SNX13: variants seen among roughly 807,000 people sequenced by gnomAD.
SNX13 encodes the protein sorting nexin 13.
In SNX13, 45 loss-of-function variants were observed where a neutral mutation model predicts 133.6. The ratio of observed to expected loss-of-function variants is 0.34; its 90% CI spans 0.27 to 0.43. SNX13 has a LOEUF of 0.43. SNX13 is among the 20% of genes least tolerant of loss of function. The probability of loss-of-function intolerance (pLI) is 1.00; values close to 1 mark genes in which losing one functional copy is unlikely to be tolerated. For synonymous variants in SNX13, 414 were observed against 373.9 expected (o/e 1.11, Z -1.24); for missense variants, 1,032 against 1,145.1 (o/e 0.90, Z 1.43).
At chr7:17,831,705 T>C (rs769658944) in intron 15 of SNX13, 128 of 983,942 alleles carry the variant, frequency 1.3e-4, no homozygotes, top group Non-Finnish European at 1.4e-4. Context: ...GTCTAAAAGG[T>C]GGTCAAAATT....
intron 5 of SNX13, among the ~76,000 whole-genome samples, chr7:17,887,268 C>T (rs761315339): frequency 6.6e-6 from 1 of 152,088 alleles, no homozygotes; most frequent in Non-Finnish European, 1.5e-5. Context: ...TACACTAAAA[C>T]TTAACAGTAG....
chr7:17,875,769 T>C lies in SNX13; in HGVS notation c.462A>G (p.Gln154=). The change falls in exon 6 of 26, where the codon CAA becomes CAG. Residue 154 remains glutamine (Q), a synonymous_variant. Coordinates refer to ENST00000428135, the MANE Select transcript of SNX13 (RefSeq NM_015132.5). ...CTACAATGCGTGTAGTAAAATAAGG[T>C]TGCCAGTCTATTTCTTTTGACCTTA... ...FATRSKEIDW[Q]PYFTTRIVDD... 2.5e-6 allele frequency: 4 copies of C among 1,605,528 alleles called. No individual in the cohort carries two copies. Among genetic ancestry groups the C allele is most frequent in the South Asian group, 1.1e-5 (1 of 89,512 alleles).
chr7:17,896,278 G>T (rs1391868902), intron 2 of SNX13, among the ~76,000 whole-genome samples: 3 of 152,118 alleles, frequency 2.0e-5, no homozygotes, highest in Non-Finnish European at 4.4e-5. Context: ...CTAGGCCATA[G>T]ATATGAAAAT....
chr7:17,887,371 TC>T (rs1277060287), intron 5 of SNX13, among the ~76,000 whole-genome samples: 1 of 152,168 alleles, frequency 6.6e-6, no homozygotes, highest in Non-Finnish European at 1.5e-5. Flanking sequence ...ACATGGGTTA[TC>T]CAGGATTCAT....
At chr7:17,869,217 A>T (rs1252035231) in intron 8 of SNX13, among the ~76,000 whole-genome samples, 2 of 152,244 alleles carry the variant, frequency 1.3e-5, no homozygotes, top group Admixed American at 1.3e-4. Context: ...CTCTGTAATT[A>T]TAAGTCTTAT....
intron 1 of SNX13, among the ~76,000 whole-genome samples, chr7:17,919,135 T>C (rs1583781673): frequency 6.6e-6 from 1 of 152,188 alleles, no homozygotes. Context: ...ACTACTTATT[T>C]AGTGCTGTGT....
intron 15 of SNX13, chr7:17,830,918 C>T (rs1305054709): frequency 1.0e-6 from 1 of 984,232 alleles, no homozygotes; most frequent in African/African-American, 1.8e-5. Flanking sequence ...GCTGATATTG[C>T]CTTCCAAATT....
At chr7:17,928,362 G>T (rs1801004467) in intron 1 of SNX13, among the ~76,000 whole-genome samples, 1 of 152,070 alleles carries the variant, frequency 6.6e-6, no homozygotes, top group African/African-American at 2.4e-5. Context: ...CTTACAGTTG[G>T]CTAGGATTTG....
intron 13 of SNX13, among the ~76,000 whole-genome samples, chr7:17,835,318 C>G (rs1789012498): frequency 6.6e-6 from 1 of 151,770 alleles, no homozygotes. Flanking sequence ...AACGAATAAG[C>G]CATTTCATTT....
chr7:17,832,722 T>C (rs1347931694), intron 15 of SNX13, among the ~76,000 whole-genome samples: 5 of 151,466 alleles, frequency 3.3e-5, no homozygotes, highest in African/African-American at 1.2e-4. Context: ...CTTCCTTAAT[T>C]ATGCAATCAA....
chr7:17,925,931 T>C (rs572844507), intron 1 of SNX13, among the ~76,000 whole-genome samples: 8 of 152,324 alleles, frequency 5.3e-5, no homozygotes, highest in African/African-American at 1.9e-4. Context: ...ACATACCAAG[T>C]ATTAGATTAT....
intron 9 of SNX13, among the ~76,000 whole-genome samples, chr7:17,867,997 C>T (rs2128344575): frequency 6.6e-6 from 1 of 152,270 alleles, no homozygotes; most frequent in Non-Finnish European, 1.5e-5. Flanking sequence ...TCCAGATCTT[C>T]TGGTTCTCAT....
intron 12 of SNX13, among the ~76,000 whole-genome samples, chr7:17,845,152 G>A (rs74873643): frequency 2.4e-4 from 26 of 106,396 alleles, no homozygotes; most frequent in Non-Finnish European, 5.0e-4. Context: ...GTGCGTGTGT[G>A]TACACACACA....
At chr7:17,834,612 T>C in intron 14 of SNX13, 149 bp downstream of exon 14, 1 of 477,034 alleles carries the variant, frequency 2.1e-6, no homozygotes, top group Admixed American at 3.9e-5. Flanking sequence ...AAATACTGGT[T>C]TACATTTCTG....
chr7:17,909,730 G>A (rs1357493952), intron 1 of SNX13, among the ~76,000 whole-genome samples: 3 of 152,240 alleles, frequency 2.0e-5, no homozygotes, highest in East Asian at 3.9e-4. Context: ...TGGATGGGAG[G>A]AGCGAGAGCA....
At chr7:17,824,068 A>T (rs759843241) in intron 17 of SNX13, among the ~76,000 whole-genome samples, 2 of 152,122 alleles carry the variant, frequency 1.3e-5, no homozygotes, top group African/African-American at 2.4e-5. Context: ...TTGGGGTTAC[A>T]TATATTGGTT....
At position 17,801,011 on chromosome 7, in the gene SNX13, TATATATATATATA is replaced by T. The variant is rs1784556186; in HGVS notation, c.2298+564_2298+576del. ...TGGCAGTATCTACTAAAACTGAACATATATATATATATATATATATATATATATATATATATAT... is the reference window on the plus strand; with the variant it reads ...TGGCAGTATCTACTAAAACTGAACATTATATATATATATATATATATATAT... On this transcript the variant is annotated intron_variant, in intron 22 of 25. Coordinates refer to ENST00000428135, the MANE Select transcript of SNX13 (RefSeq NM_015132.5). 1.6e-3 allele frequency among the ~76,000 whole-genome samples: 21 copies of T among 13,288 alleles called. 1 individual carries two copies. Among genetic ancestry groups the T allele is most frequent in the African/African-American group, 2.2e-3 (20 of 9,136 alleles). The allele number at this position is 13,288 out of a possible 152,430, so 8.7% of individuals were successfully genotyped here.
rs185056877 is a variant in SNX13, at chr7:17,857,356, A to C, written c.838-6392T>G. Reference sequence around the variant, plus strand: ...TCTATTCAATGTTTCCAAAAATTAAAGAGGAAGGAATACTTTGAAACTCAA... The same window carrying C: ...TCTATTCAATGTTTCCAAAAATTAACGAGGAAGGAATACTTTGAAACTCAA... On this transcript the variant is annotated intron_variant, in intron 9 of 25. Coordinates refer to ENST00000428135, the MANE Select transcript of SNX13 (RefSeq NM_015132.5). 3.7e-3 allele frequency among the ~76,000 whole-genome samples: 561 copies of C among 152,310 alleles called. 3 individuals carry two copies. Among genetic ancestry groups the C allele is most frequent in the African/African-American group, 0.013 (536 of 41,556 alleles).
At chr7:17,915,206 C>T (rs1328037644) in intron 1 of SNX13, among the ~76,000 whole-genome samples, 1 of 152,074 alleles carries the variant, frequency 6.6e-6, no homozygotes, top group African/African-American at 2.4e-5. Context: ...ATTGGAGCAC[C>T]CAGATTTATA....
Sources: allele counts gnomAD v4.1 joint callset (sites outside exome capture counted in the v4.1 genomes callset), GRCh38; gene constraint gnomAD v4.1.1; transcripts MANE v1.5; gene names NCBI Gene and HGNC (gene_info 2026-07-23, HGNC 2026-07-21).